The following NWD2 variants were observed in gnomAD, a reference collection of about 807,000 sequenced individuals.
NWD2 encodes NACHT and WD repeat domain-containing protein 2.
NWD2 carries 37 observed loss-of-function variants against 132.7 expected under a neutral mutation model. That is an observed-to-expected ratio of 0.28 (90% confidence interval 0.21 to 0.37). The LOEUF is 0.37. NWD2 is among the 10% of genes least tolerant of loss of function. NWD2 has a pLI of 1.00. For missense variants in NWD2, 1,592 were observed against 2,122.4 expected, an observed-to-expected ratio of 0.75 and a Z score of 4.91; for synonymous variants, 705 against 803.0, an observed-to-expected ratio of 0.88 and a Z score of 2.06.
At chr4:37,253,530 G>T (rs1318118159) in intron 1 of NWD2, among the ~76,000 whole-genome samples, 1 of 152,090 alleles carries the variant, frequency 6.6e-6, no homozygotes, top group Non-Finnish European at 1.5e-5. Context: ...TTCCAGTTCT[G>T]GGAAGGTTAA....
chr4:37,318,317 CGCCTG>C (rs1560393553), intron 1 of NWD2, among the ~76,000 whole-genome samples: 3 of 152,088 alleles, frequency 2.0e-5, no homozygotes, highest in African/African-American at 7.2e-5. Context: ...TGAGCCACTG[CGCCTG>C]GCCAATCTGC....
chr4:37,246,396 G>A (rs1024671523), intron 1 of NWD2, among the ~76,000 whole-genome samples: 8 of 152,112 alleles, frequency 5.3e-5, no homozygotes, highest in Non-Finnish European at 1.2e-4. Context: ...GTTGGGGAGA[G>A]AATCAAAACG....
chr4:37,332,518 T>TG (rs1719315893), intron 2 of NWD2, among the ~76,000 whole-genome samples: 1 of 149,010 alleles, frequency 6.7e-6, no homozygotes, highest in African/African-American at 2.5e-5. Context: ...TAAAGAGCCA[T>TG]GATCTCCCCA....
intron 6 of NWD2, among the ~76,000 whole-genome samples, chr4:37,441,891 G>GGTA (rs1405827126): frequency 6.6e-6 from 1 of 152,166 alleles, no homozygotes; most frequent in Non-Finnish European, 1.5e-5. Flanking sequence ...AGCTCGTGAT[G>GGTA]GTAGGGCTGC....
At chr4:37,326,194 AT>A (rs1421169100) in intron 2 of NWD2, among the ~76,000 whole-genome samples, 170 bp downstream of exon 2, 2 of 152,104 alleles carry the variant, frequency 1.3e-5, no homozygotes, top group African/African-American at 4.8e-5. Flanking sequence ...GTATTTCATC[AT>A]TTTTTATGTT....
chr4:37,430,801 T>C (rs1358334686), intron 4 of NWD2, 26 bp downstream of exon 4: 22 of 1,532,612 alleles, frequency 1.4e-5, no homozygotes, highest in Non-Finnish European at 1.8e-5. Context: ...CTCAAGCCTA[T>C]GGATCTGTCC....
intron 2 of NWD2, among the ~76,000 whole-genome samples, chr4:37,335,167 C>T (rs756677333): frequency 2.6e-5 from 4 of 152,010 alleles, no homozygotes; most frequent in Non-Finnish European, 5.9e-5. Context: ...TGCCTACTCT[C>T]GAGGTCTTAT....
intron 5 of NWD2, 36 bp from the exon 6 acceptor site, chr4:37,438,765 T>C (rs1156625681): frequency 7.0e-7 from 1 of 1,426,274 alleles, no homozygotes; most frequent in African/African-American, 1.4e-5. Flanking sequence ...GCTCCTTTGT[T>C]CTAAGCAATA....
In NWD2 at chr4:37,447,497, G is replaced by A. The variant is rs1184668810; in HGVS notation, c.*280G>A. On this transcript the variant is annotated 3_prime_UTR_variant, in exon 7 of 7. Transcript: ENST00000309447. ...GTTTTTAAATTAGCTGTGTGGTGAGGCAGCATAATACATCCCACTGGTTAA... is the reference window on the plus strand; with the variant it reads ...GTTTTTAAATTAGCTGTGTGGTGAGACAGCATAATACATCCCACTGGTTAA... 15 of 436,222 alleles carry A rather than the reference G, an allele frequency of 3.4e-5. No individual in the cohort carries two copies. In the East Asian group the frequency reaches 3.5e-4, roughly 10 times the overall value. 27.0% of individuals were successfully genotyped at this position (436,222 alleles called of 1,614,324 possible).
chr4:37,268,863 G>C (rs1717812051), intron 1 of NWD2, among the ~76,000 whole-genome samples: 1 of 151,812 alleles, frequency 6.6e-6, no homozygotes, highest in Non-Finnish European at 1.5e-5. Context: ...AAGTGGGCCA[G>C]GATTCTCCCA....
chr4:37,303,477 T>C (rs1004778582), intron 1 of NWD2, among the ~76,000 whole-genome samples: 3 of 152,200 alleles, frequency 2.0e-5, no homozygotes, highest in Non-Finnish European at 4.4e-5. Context: ...GGTTATTTCT[T>C]TTATTTCTGT....
intron 2 of NWD2, among the ~76,000 whole-genome samples, chr4:37,349,079 T>G (rs1321742164): frequency 6.6e-6 from 1 of 152,128 alleles, no homozygotes; most frequent in African/African-American, 2.4e-5. Context: ...ATCCAGTCTA[T>G]CACTGATGGG....
intron 3 of NWD2, among the ~76,000 whole-genome samples, chr4:37,419,447 A>T (rs565038091): frequency 6.6e-6 from 1 of 152,342 alleles, no homozygotes; most frequent in South Asian, 2.1e-4. Context: ...AGAAACTATC[A>T]TCAAAGTAAA....
At chr4:37,354,343 C>T (rs2109299981) in intron 2 of NWD2, among the ~76,000 whole-genome samples, 1 of 152,336 alleles carries the variant, frequency 6.6e-6, no homozygotes, top group African/African-American at 2.4e-5. Context: ...CTTGAGGAGG[C>T]AGTCTGTCCC....
At chr4:37,254,210 A>G (rs1289107195) in intron 1 of NWD2, among the ~76,000 whole-genome samples, 3 of 152,222 alleles carry the variant, frequency 2.0e-5, no homozygotes, top group African/African-American at 7.2e-5. Context: ...AAGTTTAAAA[A>G]AATCAGGCTG....
rs1712670909 is a variant in NWD2, at chr4:37,447,465, G to T, written c.*248G>T. ...TGGTTACTTCATCTGAAAGGCAGAGGCTAAAAGTTTTTAAATTAGCTGTGT... is the reference window on the plus strand; with the variant it reads ...TGGTTACTTCATCTGAAAGGCAGAGTCTAAAAGTTTTTAAATTAGCTGTGT... On this transcript the variant is annotated 3_prime_UTR_variant, in exon 7 of 7. Transcript: ENST00000309447. 2.0e-6 allele frequency: 1 copy of T among 501,994 alleles called. No homozygotes were observed. Among genetic ancestry groups the T allele is most frequent in the Non-Finnish European group, 3.6e-6 (1 of 280,116 alleles). 31.1% of individuals were successfully genotyped at this position (501,994 alleles called of 1,614,324 possible).
intron 3 of NWD2, among the ~76,000 whole-genome samples, chr4:37,405,446 G>C (rs1010858720): frequency 2.9e-4 from 31 of 105,382 alleles, no homozygotes; most frequent in African/African-American, 9.4e-4. Flanking sequence ...GAATAGAATA[G>C]AATAGAATAG....
intron 3 of NWD2, among the ~76,000 whole-genome samples, chr4:37,418,631 C>CAAA (rs35289113): frequency 7.0e-6 from 1 of 142,478 alleles, no homozygotes. Flanking sequence ...ATCTTTCTCC[C>CAAA]AAAAAAAAAA....
intron 1 of NWD2, among the ~76,000 whole-genome samples, chr4:37,268,412 C>T (rs1391422120): frequency 6.6e-6 from 1 of 151,840 alleles, no homozygotes; most frequent in East Asian, 1.9e-4. Flanking sequence ...TTACGTTATT[C>T]CTTCTCTGTG....
Sources: allele counts gnomAD v4.1 joint callset (sites outside exome capture counted in the v4.1 genomes callset), GRCh38; gene constraint gnomAD v4.1.1; transcripts MANE v1.5; gene names NCBI Gene and HGNC (gene_info 2026-07-23, HGNC 2026-07-21).